ACBD6: variants seen among roughly 807,000 people sequenced by gnomAD.
ACBD6 encodes acyl-CoA-binding domain-containing protein 6.
In ACBD6, 28 loss-of-function variants were observed where a neutral mutation model predicts 37.2. That is an observed-to-expected ratio of 0.75 (90% CI 0.56 to 1.03). The LOEUF is 1.03. Among genes scored for constraint, ACBD6 ranks in the 50% least tolerant of loss-of-function variants. ACBD6 has a pLI of 0.00. For synonymous variants in ACBD6, 113 were observed against 126.8 expected, an observed-to-expected ratio of 0.89 and a Z score of 0.73; for missense variants, 340 against 337.4, an observed-to-expected ratio of 1.01 and a Z score of -0.06.
At chr1:180,353,075 T>C (rs1652476679) in intron 6 of ACBD6, among the ~76,000 whole-genome samples, 2 of 152,216 alleles carry the variant, frequency 1.3e-5, no homozygotes, top group Non-Finnish European at 1.5e-5. Context: ...TTAACTGATA[T>C]TATCTTGTTT....
At chr1:180,428,397 G>T (rs1344468997) in intron 4 of ACBD6, among the ~76,000 whole-genome samples, 1 of 152,154 alleles carries the variant, frequency 6.6e-6, no homozygotes, top group African/African-American at 2.4e-5. Context: ...GTGTTGAATT[G>T]AATTTAAATC....
Position 180,300,814 on chromosome 1 carries a change from A to G in ACBD6, c.695-12297T>C, listed in dbSNP as rs190842708. On this transcript the variant is annotated intron_variant, in intron 7 of 7. Coordinates refer to ENST00000367595, the MANE Select transcript of ACBD6 (RefSeq NM_032360.4). ...AAATATTGATATACATTTACTCCCA[A>G]GTACAGTCTTGAAAACTAGCCTTGA... is the stretch of plus-strand genomic sequence containing the variant. Among the ~76,000 whole-genome samples, 54 of 152,344 alleles carry G rather than the reference A, an allele frequency of 3.5e-4. 1 individual carries two copies. The East Asian group carries it at 0.01, about 29-fold the overall frequency.
chr1:180,367,395 T>G (rs1400685190), intron 6 of ACBD6, among the ~76,000 whole-genome samples: 2 of 152,176 alleles, frequency 1.3e-5, no homozygotes, highest in African/African-American at 4.8e-5. Context: ...TTAAAAAAAC[T>G]TTTATTTTAG....
At chr1:180,449,608 A>G (rs1198337228) in intron 3 of ACBD6, among the ~76,000 whole-genome samples, 4 of 151,908 alleles carry the variant, frequency 2.6e-5, no homozygotes, top group African/African-American at 9.7e-5. Context: ...AGGTTTCACC[A>G]TGTTGGCCAG....
chr1:180,493,007 G>GAAA (rs1651566660), intron 2 of ACBD6, among the ~76,000 whole-genome samples: 1 of 152,050 alleles, frequency 6.6e-6, no homozygotes, highest in Admixed American at 6.5e-5. Context: ...CCAGCACTTT[G>GAAA]GGAGGCTGAG....
At chr1:180,379,971 T>C (rs1653576784) in intron 6 of ACBD6, among the ~76,000 whole-genome samples, 1 of 152,066 alleles carries the variant, frequency 6.6e-6, no homozygotes, top group Admixed American at 6.5e-5. Flanking sequence ...CTGTCAAAAG[T>C]CAAAGACAGG....
intron 6 of ACBD6, among the ~76,000 whole-genome samples, chr1:180,347,360 G>GTGTTTTTTTTTTTTTTTTTTTTTTTTTTT (rs1553296138): frequency 2.0e-5 from 1 of 49,074 alleles, no homozygotes; most frequent in African/African-American, 5.0e-5. Flanking sequence ...TCAACAGAAA[G>GTGTTTTTTTTTTTTTTTTTTTTTTTTTTT]TTTTTTTTTT....
chr1:180,318,174 C>CAA (rs541331902), intron 6 of ACBD6, among the ~76,000 whole-genome samples: 1 of 96,110 alleles, frequency 1.0e-5, no homozygotes, highest in Non-Finnish European at 2.0e-5. Flanking sequence ...CCCCCCCCCC[C>CAA]CAAAAAAAAA....
intron 3 of ACBD6, among the ~76,000 whole-genome samples, chr1:180,471,710 C>G (rs1393060039): frequency 6.6e-6 from 1 of 152,088 alleles, no homozygotes; most frequent in African/African-American, 2.4e-5. Flanking sequence ...ATTACCTCCC[C>G]CTGGGTCCCT....
intron 6 of ACBD6, among the ~76,000 whole-genome samples, chr1:180,334,199 G>A (rs1468430251): frequency 6.6e-6 from 1 of 152,224 alleles, no homozygotes; most frequent in African/African-American, 2.4e-5. Flanking sequence ...GGAGATCTGA[G>A]AACAGACAGA....
chr1:180,411,896 T>C (rs1480060295), intron 5 of ACBD6, among the ~76,000 whole-genome samples: 1 of 152,050 alleles, frequency 6.6e-6, no homozygotes, highest in Non-Finnish European at 1.5e-5. Context: ...GGTCTCAAGC[T>C]CCTGGCCTCG....
intron 3 of ACBD6, among the ~76,000 whole-genome samples, chr1:180,472,466 C>T (rs1650606203): frequency 6.6e-6 from 1 of 152,114 alleles, no homozygotes; most frequent in Non-Finnish European, 1.5e-5. Context: ...AGAGAAACTT[C>T]CCCAATTTAA....
chr1:180,383,386 A>AC (rs1280062519), intron 6 of ACBD6, among the ~76,000 whole-genome samples: 3 of 152,172 alleles, frequency 2.0e-5, no homozygotes, highest in African/African-American at 7.2e-5. Flanking sequence ...GGGTTTCCGT[A>AC]CCCCAATAAT....
chr1:180,355,220 T>C (rs1477610530), intron 6 of ACBD6, among the ~76,000 whole-genome samples: 1 of 152,218 alleles, frequency 6.6e-6, no homozygotes, highest in Non-Finnish European at 1.5e-5. Flanking sequence ...TTAAGTAACT[T>C]GTCCAAGGTC....
intron 4 of ACBD6, among the ~76,000 whole-genome samples, chr1:180,418,482 G>C (rs1648193705): frequency 6.6e-6 from 1 of 151,986 alleles, no homozygotes; most frequent in Non-Finnish European, 1.5e-5. Flanking sequence ...GGGAAGCTAA[G>C]GTGATAGGAT....
At chr1:180,274,240 G>C (rs1193595209) in intron 10 of ACBD6, 2 of 1,614,206 alleles carry the variant, frequency 1.2e-6, no homozygotes. Context: ...GCAACGTGGG[G>C]GACGTTACAG....
intron 3 of ACBD6, among the ~76,000 whole-genome samples, chr1:180,431,571 A>G (rs1209660153): frequency 6.6e-6 from 1 of 152,182 alleles, no homozygotes; most frequent in Non-Finnish European, 1.5e-5. Flanking sequence ...TCGATTTATG[A>G]TATTTTTGAC....
rs1452921656 is a variant in ACBD6, at chr1:180,417,935, A to G, written c.468-4464T>C. On this transcript the variant is annotated intron_variant, in intron 4 of 7. Transcript: ENST00000367595. ...CAGAAGTTGTTGATCTGAAAGGCAA[A>G]GAAATGTATTCTGTTCAAATATAAT... Among the ~76,000 whole-genome samples, 3 of 152,196 alleles carry G rather than the reference A, an allele frequency of 2.0e-5. No homozygotes were observed. The East Asian group carries it at 5.8e-4, about 29-fold the overall frequency.
intron 6 of ACBD6, among the ~76,000 whole-genome samples, chr1:180,361,653 T>A (rs996449598): frequency 6.6e-6 from 1 of 152,128 alleles, no homozygotes; most frequent in Admixed American, 6.5e-5. Context: ...AGAGACAGTA[T>A]CTAGCAAAAA....
Sources: allele counts gnomAD v4.1 joint callset (sites outside exome capture counted in the v4.1 genomes callset), GRCh38; gene constraint gnomAD v4.1.1; transcripts MANE v1.5; gene names NCBI Gene and HGNC (gene_info 2026-07-23, HGNC 2026-07-21).